Variants in NR3C2 observed in about 807,000 individuals in gnomAD.
The protein encoded by NR3C2 is mineralocorticoid receptor.
In NR3C2, 15 loss-of-function variants were observed where a neutral mutation model predicts 86.4. The observed-to-expected ratio is 0.17, with a 90% CI of 0.12 to 0.27. The LOEUF (loss-of-function observed/expected upper bound fraction) is 0.27. Among genes scored for constraint, NR3C2 ranks in the 10% least tolerant of loss-of-function variants. The pLI, the probability that NR3C2 is intolerant of heterozygous loss-of-function variation, is 1.00. For missense variants in NR3C2, 960 were observed against 1,195.6 expected, an observed-to-expected ratio of 0.80 and a Z score of 2.91; for synonymous variants, 458 against 450.5, an observed-to-expected ratio of 1.02 and a Z score of -0.21.
At chr4:148,206,650 T>C (rs6535590) in intron 3 of NR3C2, among the ~76,000 whole-genome samples, 101,241 of 152,062 alleles carry the variant, frequency 0.67, 33,838 homozygotes, top group East Asian at 0.74. Context: ...TATTTTATCA[T>C]GTGGAGTTGA....
At chr4:148,286,755 C>T (rs1741542588) in intron 2 of NR3C2, among the ~76,000 whole-genome samples, 1 of 152,174 alleles carries the variant, frequency 6.6e-6, no homozygotes. Flanking sequence ...ACACAGATTT[C>T]AATAAATTCA....
intron 2 of NR3C2, among the ~76,000 whole-genome samples, chr4:148,267,897 C>T (rs542519768): frequency 1.3e-5 from 2 of 151,228 alleles, no homozygotes; most frequent in South Asian, 4.2e-4. Flanking sequence ...CTCTTTGCTG[C>T]ATTTCCTTTT....
chr4:148,229,862 C>T (rs533817819), intron 3 of NR3C2, among the ~76,000 whole-genome samples: 3 of 152,268 alleles, frequency 2.0e-5, no homozygotes. Flanking sequence ...TTCCCCCTTC[C>T]CTAAAGAACT....
chr4:148,341,824 A>C (rs1053604856), intron 2 of NR3C2, among the ~76,000 whole-genome samples: 1 of 152,190 alleles, frequency 6.6e-6, no homozygotes, highest in Admixed American at 6.6e-5. Context: ...TACAAACACC[A>C]CTATTTTAAT....
chr4:148,265,738 C>T (rs934392464), intron 2 of NR3C2, among the ~76,000 whole-genome samples: 40 of 152,146 alleles, frequency 2.6e-4, no homozygotes, highest in African/African-American at 9.2e-4. Context: ...TATCTTAGAG[C>T]ACAGCGAGAA....
At chr4:148,193,565 GATGACTTATA>G (rs1736304274) in intron 4 of NR3C2, among the ~76,000 whole-genome samples, 1 of 152,136 alleles carries the variant, frequency 6.6e-6, no homozygotes, top group Non-Finnish European at 1.5e-5. Flanking sequence ...ATCATCTCCA[GATGACTTATA>G]ATACCTAATA....
intron 2 of NR3C2, among the ~76,000 whole-genome samples, chr4:148,368,903 G>A (rs1746279311): frequency 6.6e-6 from 1 of 152,182 alleles, no homozygotes. Flanking sequence ...ACACTAGGCT[G>A]GAGACATTTT....
intron 2 of NR3C2, among the ~76,000 whole-genome samples, chr4:148,392,995 T>C (rs1747669120): frequency 6.6e-6 from 1 of 152,190 alleles, no homozygotes; most frequent in Non-Finnish European, 1.5e-5. Context: ...TAAAATGTAT[T>C]GTTTCCATAC....
At chr4:148,157,930 T>C (rs1375634984) in intron 4 of NR3C2, among the ~76,000 whole-genome samples, 1 of 152,224 alleles carries the variant, frequency 6.6e-6, no homozygotes, top group Non-Finnish European at 1.5e-5. Flanking sequence ...CAACAAAAGC[T>C]ATATTAAATA....
chr4:148,245,109 G>A (rs1262410200), intron 3 of NR3C2, among the ~76,000 whole-genome samples: 2 of 152,056 alleles, frequency 1.3e-5, no homozygotes, highest in African/African-American at 2.4e-5. Flanking sequence ...TTATTCCCCT[G>A]ACATTTTATA....
intron 2 of NR3C2, among the ~76,000 whole-genome samples, chr4:148,327,920 T>C (rs1302974062): frequency 2.6e-5 from 4 of 152,192 alleles, no homozygotes; most frequent in African/African-American, 7.2e-5. Flanking sequence ...AATGGCAAGG[T>C]GCTTTCCTAT....
chr4:148,315,210 T>C (rs1484064867), intron 2 of NR3C2, among the ~76,000 whole-genome samples: 1 of 152,176 alleles, frequency 6.6e-6, no homozygotes, highest in Non-Finnish European at 1.5e-5. Flanking sequence ...GGTCTTCCCA[T>C]GGTTGAGCAT....
chr4:148,261,713 T>A (rs1378867874), intron 2 of NR3C2, among the ~76,000 whole-genome samples: 1 of 152,120 alleles, frequency 6.6e-6, no homozygotes, highest in East Asian at 1.9e-4. Context: ...AGCTTTTGCC[T>A]CCAAGCCAAA....
intron 3 of NR3C2, chr4:148,208,383 A>T (rs771443921): frequency 5.9e-5 from 9 of 152,190 alleles, no homozygotes; most frequent in Non-Finnish European, 8.8e-5. Flanking sequence ...CAAAGCTGGG[A>T]TCTCTGTGTT....
chr4:148,083,170 C>G (rs972731741), intron 8 of NR3C2, among the ~76,000 whole-genome samples: 5 of 152,226 alleles, frequency 3.3e-5, no homozygotes, highest in African/African-American at 1.2e-4. Flanking sequence ...TTAAATGTTC[C>G]TGCCTGCCGG....
At position 148,079,977 on chromosome 4, in the gene NR3C2, C is replaced by T. The variant is rs1488009596; in HGVS notation, c.*1367G>A. 1 of 151,830 alleles carries T rather than the reference C, an allele frequency of 6.6e-6. No homozygotes were observed. Among genetic ancestry groups the T allele is most frequent in the Non-Finnish European group, 1.5e-5 (1 of 67,942 alleles). 9.4% of individuals were successfully genotyped at this position (151,830 alleles called of 1,614,324 possible). A position where few individuals can be genotyped will look rare whatever the true frequency, so the allele number is the denominator to read the frequency against. The stretch of plus-strand genomic sequence containing the variant: ...GAGAGAGTGCATGGAATTTTTTTTT[C>T]CCACAGGAGAAAATCTGATTTTCTA... On this transcript the variant is annotated 3_prime_UTR_variant, in exon 9 of 9. Transcript: ENST00000358102.
intron 2 of NR3C2, among the ~76,000 whole-genome samples, chr4:148,313,863 C>T (rs1335844028): frequency 1.3e-5 from 2 of 152,172 alleles, no homozygotes; most frequent in South Asian, 2.1e-4. Flanking sequence ...ATCCCTAAAT[C>T]CCACAGCAAG....
chr4:148,442,860 C>T (rs1188243181), upstream of NR3C2: 1 of 985,292 alleles, frequency 1.0e-6, no homozygotes, highest in African/African-American at 1.7e-5. Context: ...TGACCGACCC[C>T]AGGATATCTG....
intron 2 of NR3C2, among the ~76,000 whole-genome samples, chr4:148,421,347 C>G (rs1749271648): frequency 6.6e-6 from 1 of 152,154 alleles, no homozygotes; most frequent in Non-Finnish European, 1.5e-5. Context: ...AGGGAGTTTA[C>G]TGAGTAGAAC....
Sources: allele counts gnomAD v4.1 joint callset (sites outside exome capture counted in the v4.1 genomes callset), GRCh38; gene constraint gnomAD v4.1.1; transcripts MANE v1.5; gene names NCBI Gene and HGNC (gene_info 2026-07-23, HGNC 2026-07-21).